Variants in AHCYL2 observed in about 807,000 individuals in gnomAD.
The protein encoded by AHCYL2 is adenosylhomocysteinase like 2, also known as S-adenosylhomocysteine hydrolase-like protein 2.
In AHCYL2, 28 loss-of-function variants were observed where a neutral mutation model predicts 81.4. That is an observed-to-expected ratio of 0.34 (90% CI 0.25 to 0.47). AHCYL2 has a LOEUF of 0.47. AHCYL2 is among the 20% of genes least tolerant of loss of function. The probability of loss-of-function intolerance (pLI) is 1.00; values close to 1 mark genes in which losing one functional copy is unlikely to be tolerated. For missense variants in AHCYL2, 551 were observed against 785.1 expected, an observed-to-expected ratio of 0.70 and a Z score of 3.56; for synonymous variants, 272 against 290.2, an observed-to-expected ratio of 0.94 and a Z score of 0.64.
intron 1 of AHCYL2, among the ~76,000 whole-genome samples, chr7:129,331,779 T>C (rs916198973): frequency 2.6e-5 from 4 of 151,442 alleles, no homozygotes; most frequent in Middle Eastern, 3.2e-3. Flanking sequence ...GAGGTGGAGG[T>C]TGCAGTGAGC....
chr7:129,414,170 G>T lies in AHCYL2; in HGVS notation c.1461+482G>T, dbSNP rs7802713. 6.9e-3 allele frequency among the ~76,000 whole-genome samples: 1,048 copies of T among 152,188 alleles called. 12 individuals are homozygous for T. Among genetic ancestry groups the T allele is most frequent in the African/African-American group, 0.023 (957 of 41,520 alleles). ...ATTGACTGTGTGTATCAAATACTGCGGTTTCTTCTTTTATCCCTCTCTTTT... is the reference window on the plus strand; with the variant it reads ...ATTGACTGTGTGTATCAAATACTGCTGTTTCTTCTTTTATCCCTCTCTTTT... On this transcript the variant is annotated intron_variant, in intron 12 of 16. Coordinates refer to ENST00000325006, the MANE Select transcript of AHCYL2 (RefSeq NM_015328.4).
intron 1 of AHCYL2, among the ~76,000 whole-genome samples, chr7:129,293,232 G>A (rs1013087709): frequency 1.3e-5 from 2 of 152,092 alleles, no homozygotes; most frequent in African/African-American, 4.8e-5. Context: ...AAAAAAGGAA[G>A]CTAAGAAATA....
intron 1 of AHCYL2, among the ~76,000 whole-genome samples, chr7:129,227,089 A>G: frequency 6.6e-6 from 1 of 152,326 alleles, no homozygotes; most frequent in African/African-American, 2.4e-5. Flanking sequence ...CCTTTTGGGT[A>G]ATTTCCAAAT....
intron 1 of AHCYL2, among the ~76,000 whole-genome samples, chr7:129,304,145 A>T (rs1318807400): frequency 6.6e-6 from 1 of 152,206 alleles, no homozygotes; most frequent in African/African-American, 2.4e-5. Context: ...TGGGTATGTT[A>T]TGTTTCCATT....
At position 129,323,468 on chromosome 7, in the gene AHCYL2, G is replaced by A. The variant is rs538749465; in HGVS notation, c.364-56170G>A. 7.9e-5 allele frequency among the ~76,000 whole-genome samples: 12 copies of A among 151,936 alleles called. 1 individual carries two copies. Among genetic ancestry groups the A allele is most frequent in the African/African-American group, 2.9e-4 (12 of 41,428 alleles). ...TAAATTTATTTAAATTCGTTTTATG[G>A]CCCACAATATATTTTATATTGTTAA... On this transcript the variant is annotated intron_variant, in intron 1 of 16. Coordinates refer to ENST00000325006, the MANE Select transcript of AHCYL2 (RefSeq NM_015328.4).
In AHCYL2 at chr7:129,403,265, G is replaced by A. The variant is rs910799467; in HGVS notation, c.919-114G>A. On this transcript the variant is annotated intron_variant, in intron 6 of 16. Coordinates refer to ENST00000325006, the MANE Select transcript of AHCYL2 (RefSeq NM_015328.4). ...TAAGTTACTTTGCATAACCATATGG[G>A]AAATTTTAAATATCTGTAAATTGCT... The A allele has an allele frequency of 5.1e-5, 32 of 621,380 alleles. No individual in the cohort carries two copies. The South Asian group carries it at 5.8e-4, about 11-fold the overall frequency. The allele number at this position is 621,380 out of a possible 1,614,324, so 38.5% of individuals were successfully genotyped here. A position where few individuals can be genotyped will look rare whatever the true frequency, so the allele number is the denominator to read the frequency against.
At chr7:129,331,297 T>C (rs967100357) in intron 1 of AHCYL2, among the ~76,000 whole-genome samples, 4 of 152,200 alleles carry the variant, frequency 2.6e-5, no homozygotes, top group African/African-American at 9.7e-5. Context: ...GACGTAGAGT[T>C]CTACTTATAG....
intron 1 of AHCYL2, among the ~76,000 whole-genome samples, chr7:129,324,723 G>C (rs1375312412): frequency 1.3e-5 from 2 of 151,976 alleles, no homozygotes; most frequent in East Asian, 3.9e-4. Context: ...CACCGTGTTA[G>C]CCAGGATGGT....
rs560832840 is a variant in AHCYL2, at chr7:129,399,446, CAAAA to C, written c.824-835_824-832del. On this transcript the variant is annotated intron_variant, in intron 5 of 16. Coordinates refer to ENST00000325006, the MANE Select transcript of AHCYL2 (RefSeq NM_015328.4). Reference sequence around the variant, plus strand: ...TGGGTGACAGAGCAAGACTCCGTCTCAAAAAAAAAAAAGAAAAGAAAAGTTAAGA... The same window carrying C: ...TGGGTGACAGAGCAAGACTCCGTCTCAAAAAAAAGAAAAGAAAAGTTAAGA... 9.5e-4 allele frequency among the ~76,000 whole-genome samples: 119 copies of C among 125,840 alleles called. 2 individuals carry two copies. The highest frequency in any genetic ancestry group is 4.7e-3 in the Admixed American group (59 of 12,422). 82.6% of individuals were successfully genotyped at this position (125,840 alleles called of 152,430 possible). A position where few individuals can be genotyped will look rare whatever the true frequency, so the allele number is the denominator to read the frequency against.
At chr7:129,354,803 T>G (rs1332030601) in intron 1 of AHCYL2, among the ~76,000 whole-genome samples, 1 of 152,186 alleles carries the variant, frequency 6.6e-6, no homozygotes, top group Admixed American at 6.5e-5. Context: ...TTGAAGTGAT[T>G]TATGGACCTC....
intron 1 of AHCYL2, among the ~76,000 whole-genome samples, chr7:129,370,591 T>A (rs974065926): frequency 2.0e-5 from 3 of 152,188 alleles, no homozygotes; most frequent in African/African-American, 4.8e-5. Flanking sequence ...CCAGCTACTC[T>A]GGAGGCTGAG....
chr7:129,296,232 G>A (rs1797047175), intron 1 of AHCYL2, among the ~76,000 whole-genome samples: 1 of 152,108 alleles, frequency 6.6e-6, no homozygotes, highest in Non-Finnish European at 1.5e-5. Flanking sequence ...AAAAAATCAA[G>A]GAAATAATAG....
At chr7:129,327,341 G>A (rs1278514966) in intron 1 of AHCYL2, among the ~76,000 whole-genome samples, 2 of 152,194 alleles carry the variant, frequency 1.3e-5, no homozygotes, top group Admixed American at 6.5e-5. Flanking sequence ...CAGATTTGTT[G>A]CACGTTGATC....
intron 1 of AHCYL2, among the ~76,000 whole-genome samples, chr7:129,360,889 G>A (rs1041476979): frequency 6.6e-6 from 1 of 152,174 alleles, no homozygotes; most frequent in African/African-American, 2.4e-5. Context: ...AGTAACTGGG[G>A]TGTTATAAAC....
At chr7:129,359,556 C>G (rs1793859696) in intron 1 of AHCYL2, among the ~76,000 whole-genome samples, 1 of 152,234 alleles carries the variant, frequency 6.6e-6, no homozygotes, top group East Asian at 1.9e-4. Context: ...ATTCTACATT[C>G]ATTTAATGGC....
chr7:129,279,473 G>T (rs1395754264), intron 1 of AHCYL2, among the ~76,000 whole-genome samples: 1 of 152,100 alleles, frequency 6.6e-6, no homozygotes, highest in Non-Finnish European at 1.5e-5. Flanking sequence ...GATGTTTCAT[G>T]TTCCATGTTT....
rs1796246788 is a variant in AHCYL2, at chr7:129,405,288, T to A, written c.1142+75T>A. Reference sequence around the variant, plus strand: ...TAAGTTTTTTGGCTTTGGTTATTTCTGGAAAGGATTCATGTAGCACCTCTG... The same window carrying A: ...TAAGTTTTTTGGCTTTGGTTATTTCAGGAAAGGATTCATGTAGCACCTCTG... On this transcript the variant is annotated intron_variant, in intron 8 of 16. Transcript: ENST00000325006. The A allele has an allele frequency of 1.3e-5, 14 of 1,100,660 alleles. 1 individual carries two copies. Among genetic ancestry groups the A allele is most frequent in the Middle Eastern group, 2.1e-4 (1 of 4,842 alleles). 68.2% of individuals were successfully genotyped at this position (1,100,660 alleles called of 1,614,324 possible).
intron 1 of AHCYL2, among the ~76,000 whole-genome samples, chr7:129,253,039 T>A (rs996270302): frequency 2.0e-5 from 3 of 152,012 alleles, no homozygotes; most frequent in Admixed American, 6.6e-5. Flanking sequence ...AAACCCTGTC[T>A]CTACTAAAAA....
intron 1 of AHCYL2, among the ~76,000 whole-genome samples, chr7:129,335,855 T>C (rs1387802093): frequency 6.6e-6 from 1 of 152,066 alleles, no homozygotes; most frequent in Non-Finnish European, 1.5e-5. Context: ...CTGTACTGTA[T>C]TGGTTGAAGC....
Sources: allele counts gnomAD v4.1 joint callset (sites outside exome capture counted in the v4.1 genomes callset), GRCh38; gene constraint gnomAD v4.1.1; transcripts MANE v1.5; gene names NCBI Gene and HGNC (gene_info 2026-07-23, HGNC 2026-07-21).